Variants in SLC22A23 observed in about 807,000 individuals in gnomAD.
SLC22A23 encodes ion transporter protein.
Under a neutral mutation model 61.0 loss-of-function variants are expected in SLC22A23, and 26 were observed. That is an observed-to-expected ratio of 0.43 (90% CI 0.31 to 0.59). SLC22A23 has a LOEUF of 0.59. Among genes scored for constraint, SLC22A23 ranks in the 20% least tolerant of loss-of-function variants. The pLI, the probability that SLC22A23 is intolerant of heterozygous loss-of-function variation, is 0.11. For synonymous variants in SLC22A23, 430 were observed against 413.9 expected (o/e 1.04, Z -0.47); for missense variants, 796 against 934.7 (o/e 0.85, Z 1.94).
intron 3 of SLC22A23, among the ~76,000 whole-genome samples, chr6:3,400,124 C>T (rs1365954081): frequency 2.0e-5 from 3 of 152,164 alleles, no homozygotes; most frequent in East Asian, 3.9e-4. Context: ...GTGATCCACC[C>T]GCCTCGGCCT....
chr6:3,328,297 G>A lies in SLC22A23; in HGVS notation c.914-4295C>T, dbSNP rs897193739. ...CTAAGTCTGAGCACAGAGGCCGCCCGGAGGCTTTGATAGAAAAGTGGCATT... is the reference window on the plus strand; with the variant it reads ...CTAAGTCTGAGCACAGAGGCCGCCCAGAGGCTTTGATAGAAAAGTGGCATT... On this transcript the variant is annotated intron_variant, in intron 3 of 9. Transcript: ENST00000406686. This position sits in a 1 kb window ranked among gnomAD's most constrained non-coding sequence, Gnocchi z 5.0. 2.6e-5 allele frequency among the ~76,000 whole-genome samples: 4 copies of A among 152,086 alleles called. No homozygotes were observed. Among genetic ancestry groups the A allele is most frequent in the African/African-American group, 9.7e-5 (4 of 41,386 alleles).
chr6:3,444,846 G>A (rs1771803667), intron 1 of SLC22A23: 1 of 985,598 alleles, frequency 1.0e-6, no homozygotes, highest in South Asian at 4.7e-5. Context: ...CGGTTTCTGG[G>A]TGAAGGCGGC....
intron 6 of SLC22A23, among the ~76,000 whole-genome samples, chr6:3,289,320 C>T (rs1760347333): frequency 6.6e-6 from 1 of 152,268 alleles, no homozygotes; most frequent in Non-Finnish European, 1.5e-5. Flanking sequence ...GCCCACCTGC[C>T]TCCACCCACG....
In SLC22A23 at chr6:3,342,785, G is replaced by A. The variant is rs1231991808; in HGVS notation, c.914-18783C>T. ...CCTAGGGTCAGTGCTTGGGGCCTGTGAATTAAACTGACAAAAGACAGGCTG... is the reference window on the plus strand; with the variant it reads ...CCTAGGGTCAGTGCTTGGGGCCTGTAAATTAAACTGACAAAAGACAGGCTG... On this transcript the variant is annotated intron_variant, in intron 3 of 9. Transcript: ENST00000406686. The surrounding 1 kb of genome is among the most constrained non-coding windows in gnomAD (Gnocchi z 4.0). Among the ~76,000 whole-genome samples, 3 of 152,246 alleles carry A rather than the reference G, an allele frequency of 2.0e-5. No individual in the cohort carries two copies. Among genetic ancestry groups the A allele is most frequent in the African/African-American group, 7.2e-5 (3 of 41,522 alleles).
Position 3,456,765 on chromosome 6 carries a change from C to T in SLC22A23, c.-206G>A, listed in dbSNP as rs1376548270. 1.7e-5 allele frequency: 3 copies of T among 174,798 alleles called. No individual in the cohort carries two copies. Among genetic ancestry groups the T allele is most frequent in the African/African-American group, 2.4e-5 (1 of 41,262 alleles). 10.8% of individuals were successfully genotyped at this position (174,798 alleles called of 1,614,324 possible). A position where few individuals can be genotyped will look rare whatever the true frequency, so the allele number is the denominator to read the frequency against. ...CCCCGCGCCCCGGGCGCTGCGGCCC[C>T]GCTCGGGCGCCGGGCAGAGGCGGGC... is the stretch of plus-strand genomic sequence containing the variant. On this transcript the variant is annotated 5_prime_UTR_variant, in exon 1 of 10. Transcript: ENST00000406686. The surrounding 1 kb of genome is among the most constrained non-coding windows in gnomAD (Gnocchi z 7.1).
At chr6:3,425,146 G>A (rs1419801859) in intron 1 of SLC22A23, among the ~76,000 whole-genome samples, 2 of 151,704 alleles carry the variant, frequency 1.3e-5, no homozygotes, top group South Asian at 2.1e-4. Context: ...AATTTATATA[G>A]GCAATATAGT....
At chr6:3,302,038 A>G (rs1159184164) in intron 4 of SLC22A23, among the ~76,000 whole-genome samples, 2 of 152,246 alleles carry the variant, frequency 1.3e-5, no homozygotes, top group African/African-American at 4.8e-5. Context: ...AAGTTTCAGT[A>G]GAATTCAGCA....
intron 3 of SLC22A23, among the ~76,000 whole-genome samples, chr6:3,384,069 C>T (rs531445882): frequency 1.1e-4 from 17 of 152,288 alleles, no homozygotes; most frequent in Middle Eastern, 3.4e-3. Flanking sequence ...AGAACAAAAA[C>T]GGTGCCAGGC....
intron 8 of SLC22A23, chr6:3,284,837 CGG>C: frequency 7.1e-7 from 1 of 1,411,938 alleles, no homozygotes; most frequent in South Asian, 1.2e-5. Flanking sequence ...GGGGAAGGGG[CGG>C]GGGCATGCGT....
chr6:3,293,247 C>G (rs1158683649), intron 5 of SLC22A23, among the ~76,000 whole-genome samples: 1 of 152,080 alleles, frequency 6.6e-6, no homozygotes, highest in Admixed American at 6.6e-5. Flanking sequence ...GGACAAGGAG[C>G]AGGAGGAGGA....
intron 3 of SLC22A23, among the ~76,000 whole-genome samples, chr6:3,354,481 G>A (rs1472637223): frequency 6.6e-6 from 1 of 152,228 alleles, no homozygotes; most frequent in Non-Finnish European, 1.5e-5. Context: ...CCACTGTACT[G>A]TGGTCAGATC....
At position 3,410,654 on chromosome 6, in the gene SLC22A23, G is replaced by C. The variant is rs1240548879; in HGVS notation, c.759-312C>G. Among the ~76,000 whole-genome samples, 1 of 152,112 alleles carries C rather than the reference G, an allele frequency of 6.6e-6. No homozygotes were observed. Among genetic ancestry groups the C allele is most frequent in the African/African-American group, 2.4e-5 (1 of 41,412 alleles). On this transcript the variant is annotated intron_variant, in intron 2 of 9. Transcript: ENST00000406686. This position sits in a 1 kb window ranked among gnomAD's most constrained non-coding sequence, Gnocchi z 5.0. ...GTATAGTGATATAATTCAAGGCAAG[G>C]GGAACAAAATTAATAATTCTCCAAA...
chr6:3,326,255 C>T (rs11964403), intron 3 of SLC22A23, among the ~76,000 whole-genome samples: 6,205 of 152,290 alleles, frequency 0.041, 397 homozygotes, highest in African/African-American at 0.14. Flanking sequence ...ATAGCTTTTC[C>T]TCCAAAGGTT....
intron 3 of SLC22A23, among the ~76,000 whole-genome samples, chr6:3,354,490 T>C (rs766085459): frequency 6.6e-6 from 1 of 152,206 alleles, no homozygotes; most frequent in Non-Finnish European, 1.5e-5. Flanking sequence ...TGTGGTCAGA[T>C]CCATCGATAT....
chr6:3,435,667 C>T (rs1771161433), intron 1 of SLC22A23, among the ~76,000 whole-genome samples: 1 of 152,198 alleles, frequency 6.6e-6, no homozygotes, highest in South Asian at 2.1e-4. Flanking sequence ...GCGACTGCCT[C>T]CCTTCTCCCT....
At chr6:3,431,533 A>C (rs1205112601) in intron 1 of SLC22A23, among the ~76,000 whole-genome samples, 2 of 152,238 alleles carry the variant, frequency 1.3e-5, no homozygotes, top group African/African-American at 4.8e-5. Context: ...GGATGAGCTC[A>C]GAAAGAGTAG....
chr6:3,374,702 C>G (rs151140102), intron 3 of SLC22A23, among the ~76,000 whole-genome samples: 91 of 152,244 alleles, frequency 6.0e-4, no homozygotes, highest in African/African-American at 2.2e-3. Context: ...TTAGCTGGGC[C>G]GAAGCCCTGA....
Position 3,360,558 on chromosome 6 carries a change from G to A in SLC22A23, c.914-36556C>T, listed in dbSNP as rs1290071620. Among the ~76,000 whole-genome samples the A allele has an allele frequency of 6.6e-6, 1 of 152,220 alleles. No homozygotes were observed. Among genetic ancestry groups the A allele is most frequent in the African/African-American group, 2.4e-5 (1 of 41,440 alleles). On this transcript the variant is annotated intron_variant, in intron 3 of 9. Transcript: ENST00000406686. This position sits in a 1 kb window ranked among gnomAD's most constrained non-coding sequence, Gnocchi z 4.6. ...GGCAACGGCTCAACCGTGGAGGGAG[G>A]TCACTTTGGGGCCTTTGCACACATC... is the stretch of plus-strand genomic sequence containing the variant.
intron 3 of SLC22A23, among the ~76,000 whole-genome samples, chr6:3,399,791 G>A (rs1768255908): frequency 6.6e-6 from 1 of 152,126 alleles, no homozygotes; most frequent in South Asian, 2.1e-4. Context: ...AAGAGCCCTA[G>A]GAATGATCTG....
Sources: gnomAD v4.1 joint callset for allele counts (sites outside exome capture counted in the v4.1 genomes callset) on GRCh38, gnomAD v4.1.1 for gene constraint, Gnocchi (gnomAD v3.1) non-coding constraint, MANE v1.5 for transcripts, NCBI Gene and HGNC (gene_info 2026-07-23, HGNC 2026-07-21) for gene names.